SKIL: variants seen among roughly 807,000 people sequenced by gnomAD.
The protein encoded by SKIL is SKI like proto-oncogene.
SKIL carries 20 observed loss-of-function variants against 69.6 expected under a neutral mutation model. The ratio of observed to expected loss-of-function variants is 0.29; its 90% CI spans 0.20 to 0.42. SKIL has a LOEUF of 0.42. SKIL is among the 10% of genes least tolerant of loss of function. SKIL has a pLI of 1.00. For synonymous variants in SKIL, 310 were observed against 279.9 expected (o/e 1.11, Z -1.08); for missense variants, 745 against 783.1 (o/e 0.95, Z 0.58).
chr3:170,377,999 T>G (rs1372390882), intron 2 of SKIL, among the ~76,000 whole-genome samples: 2 of 152,172 alleles, frequency 1.3e-5, no homozygotes, highest in Non-Finnish European at 2.9e-5. Flanking sequence ...GTTCAAGCGA[T>G]TCTCCTGCCT....
Position 170,395,203 on chromosome 3 carries a change from T to C in SKIL, c.*2786T>C, listed in dbSNP as rs1738131891. 6.6e-6 allele frequency: 1 copy of C among 152,118 alleles called. No homozygotes were observed. The highest frequency in any genetic ancestry group is 2.4e-5 in the African/African-American group (1 of 41,430). The allele number at this position is 152,118 out of a possible 1,614,324, so 9.4% of individuals were successfully genotyped here. Reference sequence around the variant, plus strand: ...GTACCTACTCTATAAAGGTAATAAATGTAAAACCTCTTGCTGTTATTGAGG... The same window carrying C: ...GTACCTACTCTATAAAGGTAATAAACGTAAAACCTCTTGCTGTTATTGAGG... On this transcript the variant is annotated 3_prime_UTR_variant, in exon 7 of 7. Transcript: ENST00000259119.
At chr3:170,361,827 C>T (rs1044067423) in intron 2 of SKIL, among the ~76,000 whole-genome samples, 6 of 151,694 alleles carry the variant, frequency 4.0e-5, no homozygotes, top group South Asian at 2.1e-4. Context: ...CCGCGTGATC[C>T]GCCCACCTTG....
In SKIL at chr3:170,393,624, T is replaced by C. The variant is rs527823193; in HGVS notation, c.*1207T>C. On this transcript the variant is annotated 3_prime_UTR_variant, in exon 7 of 7. Transcript: ENST00000259119. ...GTCTGTCATTCTCTAATGGCAAATTTCATATTTGTTAATTCTTGGCTCAAA... is the reference window on the plus strand; with the variant it reads ...GTCTGTCATTCTCTAATGGCAAATTCCATATTTGTTAATTCTTGGCTCAAA... 2.6e-5 allele frequency: 4 copies of C among 152,264 alleles called. No homozygotes were observed. The highest frequency in any genetic ancestry group is 9.6e-5 in the African/African-American group (4 of 41,564). The allele number at this position is 152,264 out of a possible 1,614,324, so 9.4% of individuals were successfully genotyped here.
At position 170,395,332 on chromosome 3, in the gene SKIL, A is replaced by G. The variant is rs568192292; in HGVS notation, c.*2915A>G. 6.6e-6 allele frequency: 1 copy of G among 152,232 alleles called. No individual in the cohort carries two copies. The highest frequency in any genetic ancestry group is 2.4e-5 in the African/African-American group (1 of 41,576). The allele number at this position is 152,232 out of a possible 1,614,324, so 9.4% of individuals were successfully genotyped here. A position where few individuals can be genotyped will look rare whatever the true frequency, so the allele number is the denominator to read the frequency against. On this transcript the variant is annotated 3_prime_UTR_variant, in exon 7 of 7. Transcript: ENST00000259119. ...TGTGTGCTTTAGTTTTTGTTTAAGC[A>G]TATTCTTTTGCTTGAATTTCTGTGT...
intron 2 of SKIL, among the ~76,000 whole-genome samples, chr3:170,375,482 G>T (rs2108206661): frequency 6.6e-6 from 1 of 152,294 alleles, no homozygotes; most frequent in Admixed American, 6.5e-5. Flanking sequence ...AGCAAATTTA[G>T]AATTTGCTTG....
rs572273199 is a variant in SKIL, at chr3:170,387,866, G to A, written c.1430-2357G>A. 2.1e-4 allele frequency among the ~76,000 whole-genome samples: 28 copies of A among 136,110 alleles called. No homozygotes were observed. In the Middle Eastern group the frequency reaches 0.015, roughly 73 times the overall value. The allele number at this position is 136,110 out of a possible 152,430, so 89.3% of individuals were successfully genotyped here. ...GGAGAATGGCGTGAACCCGGGAGGC[G>A]GAGCTTGCAGTGAGCCGAGATCCCG... On this transcript the variant is annotated intron_variant, in intron 4 of 6. Transcript: ENST00000259119.
Position 170,360,823 on chromosome 3 carries a change from A to G in SKIL, c.492A>G (p.Arg164=). 4 of 1,613,962 alleles carry G rather than the reference A, an allele frequency of 2.5e-6. No individual in the cohort carries two copies. Among genetic ancestry groups the G allele is most frequent in the Non-Finnish European group, 3.4e-6 (4 of 1,179,994 alleles). The part of the protein sequence containing the change: ...ISCFQVGGEK[R]LCLPQVLNSV... ...GTTTTCAAGTTGGAGGAGAAAAGAG[A>G]CTCTGTTTGCCCCAAGTCTTAAATT... is the stretch of plus-strand genomic sequence containing the variant. The change falls in exon 2 of 7, where the codon AGA becomes AGG. Residue 164 remains arginine, a synonymous_variant. Coordinates refer to ENST00000259119, the MANE Select transcript of SKIL (RefSeq NM_005414.5).
chr3:170,363,794 AT>A (rs1303452660), intron 2 of SKIL, among the ~76,000 whole-genome samples: 1 of 152,054 alleles, frequency 6.6e-6, no homozygotes, highest in Non-Finnish European at 1.5e-5. Context: ...CTATTAACTA[AT>A]TTTAAATCAG....
Position 170,367,655 on chromosome 3 carries a change from A to T in SKIL, c.1098+6226A>T, listed in dbSNP as rs1736606193. 2.0e-5 allele frequency among the ~76,000 whole-genome samples: 3 copies of T among 150,296 alleles called. No individual in the cohort carries two copies. The Admixed American group carries it at 2.0e-4, about 10-fold the overall frequency. On this transcript the variant is annotated intron_variant, in intron 2 of 6. Coordinates refer to ENST00000259119, the MANE Select transcript of SKIL (RefSeq NM_005414.5). ...CTAATTTTTTGTATTTTTAGTAGAG[A>T]TGGGGGTTTCACTATGTTGGCCAGG...
intron 2 of SKIL, among the ~76,000 whole-genome samples, chr3:170,364,612 C>T (rs755359947): frequency 9.9e-5 from 15 of 152,152 alleles, no homozygotes; most frequent in Middle Eastern, 3.4e-3. Flanking sequence ...TGAGCCATGG[C>T]GCCTGGCCCG....
intron 2 of SKIL, among the ~76,000 whole-genome samples, chr3:170,373,774 C>T (rs1183747031): frequency 6.6e-6 from 1 of 152,102 alleles, no homozygotes; most frequent in Non-Finnish European, 1.5e-5. Context: ...GCCAATAGTC[C>T]TGACTACTCT....
intron 1 of SKIL, 194 bp from the exon 2 acceptor site, chr3:170,359,505 G>C (rs989950273): frequency 6.6e-6 from 1 of 152,012 alleles, no homozygotes; most frequent in Non-Finnish European, 1.5e-5. Flanking sequence ...GTCTGAGACA[G>C]GAAAATTGCT....
chr3:170,384,690 T>G lies in SKIL; in HGVS notation c.1354T>G (p.Ser452Ala). ...HSSGKLQKTV[S>A]YPDVSLEEQE... ...TAGTGGTAAACTTCAAAAAACAGTG[T>G]CTTATCCAGATGTCTCACTTGAGGA... The change falls in exon 4 of 7, where the codon TCT (serine) becomes GCT (alanine). Residue 452 changes from serine (S) to alanine (A), a missense_variant. Transcript: ENST00000259119. 1 of 1,613,176 alleles carries G rather than the reference T, an allele frequency of 6.2e-7. No homozygotes were observed. The highest frequency in any genetic ancestry group is 8.5e-7 in the Non-Finnish European group (1 of 1,179,274).
At chr3:170,382,413 ATT>A (rs773770207) in intron 3 of SKIL, among the ~76,000 whole-genome samples, 7 of 119,098 alleles carry the variant, frequency 5.9e-5, no homozygotes, top group Admixed American at 2.7e-4. Context: ...TGCAACTTTG[ATT>A]TTTTTTTTTT....
chr3:170,361,902 TC>T (rs1357769725), intron 2 of SKIL, among the ~76,000 whole-genome samples: 1 of 152,182 alleles, frequency 6.6e-6, no homozygotes, highest in African/African-American at 2.4e-5. Context: ...CTTTTTCTTA[TC>T]CTCTTTGGCA....
chr3:170,361,547 T>C (rs1736234095), intron 2 of SKIL, 118 bp downstream of exon 2: 1 of 790,452 alleles, frequency 1.3e-6, no homozygotes, highest in Non-Finnish European at 2.1e-6. Flanking sequence ...AACAACAAAA[T>C]ACCGATTGAT....
chr3:170,389,559 C>A (rs1328762681), intron 4 of SKIL, among the ~76,000 whole-genome samples: 1 of 152,038 alleles, frequency 6.6e-6, no homozygotes, highest in Non-Finnish European at 1.5e-5. Flanking sequence ...CGTGATCCGC[C>A]CTTCTCGGCC....
chr3:170,361,487 C>T (rs562869716), intron 2 of SKIL, 58 bp downstream of exon 2: 1 of 1,315,166 alleles, frequency 7.6e-7, no homozygotes, highest in East Asian at 2.3e-5. Context: ...AATGAAAATT[C>T]TATGTTTAGT....
chr3:170,370,474 T>TAGTCTTAC (rs1201258799), intron 2 of SKIL, among the ~76,000 whole-genome samples: 2 of 106,212 alleles, frequency 1.9e-5, no homozygotes, highest in African/African-American at 7.3e-5. Flanking sequence ...GTTCATCTTA[T>TAGTCTTAC]AGTCTTACAG....
Sources: allele counts gnomAD v4.1 joint callset (sites outside exome capture counted in the v4.1 genomes callset), GRCh38; gene constraint gnomAD v4.1.1; transcripts MANE v1.5; gene names NCBI Gene and HGNC (gene_info 2026-07-23, HGNC 2026-07-21).